KLHL28: variants seen among roughly 807,000 people sequenced by gnomAD.
KLHL28 encodes kelch-like protein 28.
Under a neutral mutation model 48.3 loss-of-function variants are expected in KLHL28, and 22 were observed. The observed-to-expected ratio is 0.46, with a 90% confidence interval of 0.33 to 0.65. The LOEUF (loss-of-function observed/expected upper bound fraction) is 0.65. Ranked by LOEUF, KLHL28 falls within the 30% of genes least tolerant of loss-of-function variation. KLHL28 has a pLI of 0.03. For missense variants in KLHL28, 527 were observed against 704.3 expected, an observed-to-expected ratio of 0.75 and a Z score of 2.85; for synonymous variants, 243 against 242.4, an observed-to-expected ratio of 1.00 and a Z score of -0.02.
intron 1 of KLHL28, 44 bp downstream of exon 1, chr14:44,961,802 A>G (rs1268289520): frequency 6.6e-6 from 1 of 152,340 alleles, no homozygotes; most frequent in Non-Finnish European, 1.5e-5. Context: ...CGGGCAAAAC[A>G]CTGCCAAAGC....
intron 1 of KLHL28, among the ~76,000 whole-genome samples, chr14:44,951,365 T>A (rs1884572561): frequency 6.6e-6 from 1 of 152,202 alleles, no homozygotes; most frequent in African/African-American, 2.4e-5. Flanking sequence ...AGTCCTGAGG[T>A]CCAAGTCTTT....
intron 1 of KLHL28, among the ~76,000 whole-genome samples, chr14:44,959,183 C>A (rs978474598): frequency 3.9e-5 from 6 of 151,932 alleles, no homozygotes; most frequent in Non-Finnish European, 4.4e-5. Flanking sequence ...TCCACCAAAA[C>A]CTTCTCCAAG....
rs765887376 is a variant in KLHL28, at chr14:44,945,169, A to G, written c.760T>C (p.Leu254=). 14 of 1,614,036 alleles carry G rather than the reference A, an allele frequency of 8.7e-6. No individual in the cohort carries two copies. In the South Asian group the frequency reaches 1.5e-4, roughly 18 times the overall value. The change falls in exon 2 of 5, where the codon TTG becomes CTG. Residue 254 remains leucine (L), a synonymous_variant. Coordinates refer to ENST00000396128, the MANE Select transcript of KLHL28 (RefSeq NM_017658.5). ...IRDDRTCKHL[L]NEALKYHFMP... ...AAGTGGTACTTTAGGGCTTCATTCA[A>G]AAGATGTTTACAAGTGCGATCATCA...
In KLHL28 at chr14:44,944,433, T is replaced by C. The variant is rs529619383; in HGVS notation, c.899+597A>G. Among the ~76,000 whole-genome samples the C allele has an allele frequency of 2.6e-5, 4 of 152,340 alleles. No homozygotes were observed. The East Asian group carries it at 7.7e-4, about 29-fold the overall frequency. ...GTCTAAAATATTTACTGTTTGGTCT[T>C]TTATAGAAAAAGTCTGACAATTCCT... On this transcript the variant is annotated intron_variant, in intron 2 of 4. Transcript: ENST00000396128.
chr14:44,932,448 C>G lies in KLHL28; in HGVS notation c.1344-907G>C, dbSNP rs565040716. Among the ~76,000 whole-genome samples, 7 of 152,104 alleles carry G rather than the reference C, an allele frequency of 4.6e-5. No homozygotes were observed. In the South Asian group the frequency reaches 6.2e-4, roughly 14 times the overall value. Reference sequence around the variant, plus strand: ...GCATTTCTAAGCTGCATTATGGAATCCAAATTAAATCAGAATTTTCAAAAA... The same window carrying G: ...GCATTTCTAAGCTGCATTATGGAATGCAAATTAAATCAGAATTTTCAAAAA... On this transcript the variant is annotated intron_variant, in intron 3 of 4. Coordinates refer to ENST00000396128, the MANE Select transcript of KLHL28 (RefSeq NM_017658.5).
At chr14:44,958,560 G>C (rs1285557829) in intron 1 of KLHL28, among the ~76,000 whole-genome samples, 2 of 152,048 alleles carry the variant, frequency 1.3e-5, no homozygotes, top group Non-Finnish European at 2.9e-5. Flanking sequence ...AATTCTATCA[G>C]TGAGCCTATG....
At chr14:44,950,166 TA>T (rs1884516761) in intron 1 of KLHL28, among the ~76,000 whole-genome samples, 3 of 152,226 alleles carry the variant, frequency 2.0e-5, no homozygotes, top group African/African-American at 4.8e-5. Context: ...AGTTTATACA[TA>T]AAAAGGGCTC....
In KLHL28 at chr14:44,945,465, G is replaced by C. The variant is rs756990835; in HGVS notation, c.464C>G (p.Ala155Gly). Reference sequence around the variant, plus strand: ...ATTCTGGCATATGTATTTAGTGGCTGCCAAATAAAGGTCACGGCAACCATA... The same window carrying C: ...ATTCTGGCATATGTATTTAGTGGCTCCCAAATAAAGGTCACGGCAACCATA... ...ETYGCRDLYL[A>G]ATKYICQNFE... is the part of the protein sequence containing the mutation. The change falls in exon 2 of 5, where the codon GCA (alanine) becomes GGA (glycine). Residue 155 changes from alanine to glycine, a missense_variant. Transcript: ENST00000396128. 2.5e-6 allele frequency: 4 copies of C among 1,614,184 alleles called. No homozygotes were observed. The highest frequency in any genetic ancestry group is 3.4e-6 in the Non-Finnish European group (4 of 1,180,020).
chr14:44,937,442 C>T lies in KLHL28; in HGVS notation c.900-2884G>A, dbSNP rs545133739. Among the ~76,000 whole-genome samples the T allele has an allele frequency of 1.1e-3, 170 of 152,056 alleles. 1 individual carries two copies. The highest frequency in any genetic ancestry group is 4.0e-3 in the African/African-American group (165 of 41,476). On this transcript the variant is annotated intron_variant, in intron 2 of 4. Coordinates refer to ENST00000396128, the MANE Select transcript of KLHL28 (RefSeq NM_017658.5). ...GATTACAGGCGTGATCCACTGTGCC[C>T]GGCCCAGAATTGAATTGTTAAATAC...
rs1384839465 is a variant in KLHL28 at position 44,924,784 on chromosome 14, A to G, written c.*4244T>C. 2.6e-5 allele frequency: 4 copies of G among 152,634 alleles called. No individual in the cohort carries two copies. 9.5% of individuals were successfully genotyped at this position (152,634 alleles called of 1,614,324 possible). On this transcript the variant is annotated 3_prime_UTR_variant, in exon 5 of 5. Transcript: ENST00000396128. ...ATTTAAAAATAAATGGGACTTACACATAACTTGACAAAATTAACAATAAGT... is the reference window on the plus strand; with the variant it reads ...ATTTAAAAATAAATGGGACTTACACGTAACTTGACAAAATTAACAATAAGT...
chr14:44,960,790 T>C, intron 1 of KLHL28: 1 of 493,930 alleles, frequency 2.0e-6, no homozygotes, highest in Non-Finnish European at 3.4e-6. Context: ...AAATTATTTT[T>C]GCACTTGCAT....
chr14:44,949,760 AAG>A (rs1390341918), intron 1 of KLHL28, among the ~76,000 whole-genome samples: 10 of 152,174 alleles, frequency 6.6e-5, no homozygotes, highest in Non-Finnish European at 1.3e-4. Context: ...AGTATAGAAT[AAG>A]AGAGAAAAGA....
At chr14:44,939,585 T>C (rs1343726024) in intron 2 of KLHL28, among the ~76,000 whole-genome samples, 3 of 152,208 alleles carry the variant, frequency 2.0e-5, no homozygotes. Context: ...CTGCATTCCA[T>C]AAAGTCCTAG....
rs1227417965 is a variant in KLHL28, at chr14:44,931,321, A to C, written c.1552+12T>G. Reference sequence around the variant, plus strand: ...TGCCTTACATGTTTAGAAATTAATAAATTCTTATTACCTGTTCTAGGTTCT... The same window carrying C: ...TGCCTTACATGTTTAGAAATTAATACATTCTTATTACCTGTTCTAGGTTCT... On this transcript the variant is annotated intron_variant, in intron 4 of 4. Transcript: ENST00000396128. 1.9e-6 allele frequency: 3 copies of C among 1,569,974 alleles called. No homozygotes were observed. The highest frequency in any genetic ancestry group is 2.6e-6 in the Non-Finnish European group (3 of 1,143,020).
chr14:44,933,982 C>T, intron 3 of KLHL28, 133 bp downstream of exon 3: 3 of 620,968 alleles, frequency 4.8e-6, no homozygotes, highest in South Asian at 4.5e-5. Flanking sequence ...CAATTATATC[C>T]ATGGAGCAGA....
chr14:44,942,164 TTC>T (rs1238676095), intron 2 of KLHL28, among the ~76,000 whole-genome samples: 2 of 151,492 alleles, frequency 1.3e-5, no homozygotes, highest in Non-Finnish European at 1.5e-5. Context: ...TCCTCCCATA[TTC>T]TCTCTCTCTC....
intron 2 of KLHL28, among the ~76,000 whole-genome samples, chr14:44,943,552 G>A (rs1324578382): frequency 6.6e-6 from 1 of 152,142 alleles, no homozygotes; most frequent in East Asian, 1.9e-4. Context: ...AGCTACTTGG[G>A]AGGCTGAGGC....
chr14:44,933,289 T>A (rs1039377033), intron 3 of KLHL28, among the ~76,000 whole-genome samples: 3 of 151,482 alleles, frequency 2.0e-5, no homozygotes, highest in African/African-American at 7.3e-5. Context: ...CTATTAAAGA[T>A]ACAATCTTTT....
At chr14:44,955,310 G>T (rs77047006) in intron 1 of KLHL28, among the ~76,000 whole-genome samples, 5,886 of 151,462 alleles carry the variant, frequency 0.039, 190 homozygotes, top group East Asian at 0.1. Context: ...ATTATTTTAA[G>T]GAAAAAAATA....
Sources: gnomAD v4.1 joint callset for allele counts (sites outside exome capture counted in the v4.1 genomes callset) on GRCh38, gnomAD v4.1.1 for gene constraint, MANE v1.5 for transcripts, NCBI Gene and HGNC (gene_info 2026-07-23, HGNC 2026-07-21) for gene names.